Variants in PCDH9 observed in about 807,000 individuals in gnomAD.
The protein encoded by PCDH9 is protocadherin 9.
Under a neutral mutation model 70.6 loss-of-function variants are expected in PCDH9, and 24 were observed. The ratio of observed to expected loss-of-function variants is 0.34; its 90% confidence interval spans 0.25 to 0.48. The LOEUF (loss-of-function observed/expected upper bound fraction) is 0.48, where lower values mean the gene tolerates loss of function less well. PCDH9 is among the 20% of genes least tolerant of loss of function. The probability of loss-of-function intolerance (pLI) is 0.99; values close to 1 mark genes in which losing one functional copy is unlikely to be tolerated. For missense variants in PCDH9, 1,281 were observed against 1,503.6 expected, an observed-to-expected ratio of 0.85 and a Z score of 2.45; for synonymous variants, 562 against 558.5, an observed-to-expected ratio of 1.01 and a Z score of -0.09.
chr13:66,603,751 A>G (rs766198380), intron 4 of PCDH9, among the ~76,000 whole-genome samples: 7 of 152,006 alleles, frequency 4.6e-5, no homozygotes, highest in Non-Finnish European at 8.8e-5. Flanking sequence ...TATTTGATGT[A>G]AGAGTTTTAC....
At chr13:66,929,753 A>G (rs2082776921) in intron 2 of PCDH9, among the ~76,000 whole-genome samples, 1 of 152,214 alleles carries the variant, frequency 6.6e-6, no homozygotes, top group Non-Finnish European at 1.5e-5. Context: ...ATATTTTAAA[A>G]ATCTTATCTA....
intron 2 of PCDH9, among the ~76,000 whole-genome samples, chr13:66,991,787 A>C (rs1325872459): frequency 2.0e-5 from 3 of 152,120 alleles, no homozygotes; most frequent in African/African-American, 4.8e-5. Flanking sequence ...CTCCATGGAA[A>C]ATAATAGTGT....
intron 4 of PCDH9, among the ~76,000 whole-genome samples, chr13:66,455,683 T>A (rs1958304503): frequency 6.6e-6 from 1 of 152,268 alleles, no homozygotes; most frequent in African/African-American, 2.4e-5. Flanking sequence ...CTGAATGTGA[T>A]GCTGAAAGAT....
intron 2 of PCDH9, among the ~76,000 whole-genome samples, chr13:67,131,448 A>G (rs2087109494): frequency 6.6e-6 from 1 of 152,206 alleles, no homozygotes; most frequent in African/African-American, 2.4e-5. Context: ...TCCTAAACTT[A>G]AAAGATTAAC....
chr13:66,934,887 A>AT (rs539378090), intron 2 of PCDH9, among the ~76,000 whole-genome samples: 1 of 144,794 alleles, frequency 6.9e-6, no homozygotes, highest in Non-Finnish European at 1.5e-5. Flanking sequence ...CGCCCGGCTA[A>AT]TTTTTTGTAT....
At chr13:67,076,343 T>A (rs1345343980) in intron 2 of PCDH9, among the ~76,000 whole-genome samples, 1 of 152,192 alleles carries the variant, frequency 6.6e-6, no homozygotes, top group African/African-American at 2.4e-5. Context: ...AAGCTATCTA[T>A]GTCTTTTCAA....
At position 67,185,140 on chromosome 13, in the gene PCDH9, T is replaced by C. The variant is rs1410397258; in HGVS notation, c.3036+40265A>G. Among the ~76,000 whole-genome samples, 16 of 152,300 alleles carry C rather than the reference T, an allele frequency of 1.1e-4. No homozygotes were observed. The East Asian group carries it at 3.1e-3, about 29-fold the overall frequency. ...AATAAATATATTGTTTGTAGTCCAT[T>C]AGAAAAGAAGGAAAGAAAATAACAT... On this transcript the variant is annotated intron_variant, in intron 2 of 4. Coordinates refer to ENST00000377865, the MANE Select transcript of PCDH9 (RefSeq NM_203487.3).
At chr13:66,900,528 G>A (rs2082260030) in intron 3 of PCDH9, among the ~76,000 whole-genome samples, 1 of 151,754 alleles carries the variant, frequency 6.6e-6, no homozygotes, top group Non-Finnish European at 1.5e-5. Context: ...TGCATATGAC[G>A]TGCTTAGAAT....
At chr13:66,357,261 T>G (rs917080626) in intron 4 of PCDH9, among the ~76,000 whole-genome samples, 1 of 151,958 alleles carries the variant, frequency 6.6e-6, no homozygotes, top group Non-Finnish European at 1.5e-5. Context: ...TGGGTGGCAT[T>G]TACATCAGGA....
intron 2 of PCDH9, among the ~76,000 whole-genome samples, chr13:67,111,023 C>T (rs2086649287): frequency 6.6e-6 from 1 of 152,170 alleles, no homozygotes; most frequent in Admixed American, 6.5e-5. Flanking sequence ...ATGCATATGG[C>T]TGATTGAATT....
chr13:67,110,784 A>G (rs1398422921), intron 2 of PCDH9, among the ~76,000 whole-genome samples: 1 of 152,186 alleles, frequency 6.6e-6, no homozygotes, highest in Non-Finnish European at 1.5e-5. Context: ...ATGTCTGTTT[A>G]TCTCTCTGAG....
chr13:66,893,503 C>A (rs866572157), intron 3 of PCDH9, among the ~76,000 whole-genome samples: 2 of 152,140 alleles, frequency 1.3e-5, no homozygotes, highest in East Asian at 1.9e-4. Context: ...AAATAAGAAG[C>A]CATAGGAGAT....
intron 2 of PCDH9, among the ~76,000 whole-genome samples, chr13:67,014,921 C>T (rs528866046): frequency 1.9e-4 from 29 of 152,194 alleles, no homozygotes; most frequent in African/African-American, 6.0e-4. Flanking sequence ...TAATTGTCTA[C>T]CCTTTTTTTC....
At chr13:67,071,907 AAGAG>A (rs1203411318) in intron 2 of PCDH9, among the ~76,000 whole-genome samples, 9 of 151,006 alleles carry the variant, frequency 6.0e-5, no homozygotes, top group Non-Finnish European at 8.9e-5. Flanking sequence ...AAAAAAAAAA[AAGAG>A]AGAATCCTTT....
intron 2 of PCDH9, among the ~76,000 whole-genome samples, chr13:66,927,290 G>T (rs551552760): frequency 2.0e-4 from 30 of 151,948 alleles, no homozygotes; most frequent in African/African-American, 7.2e-4. Flanking sequence ...GCAAACTAAC[G>T]CAGGAAGAGA....
At position 66,708,656 on chromosome 13, in the gene PCDH9, C is replaced by T. The variant is rs528197447; in HGVS notation, c.3139-77245G>A. ...TGAGTCATTTTTCATATCAGAAACA[C>T]GCAGAAACGTGGAAGATACATGGCT... On this transcript the variant is annotated intron_variant, in intron 3 of 4. Transcript: ENST00000377865. 1.2e-4 allele frequency among the ~76,000 whole-genome samples: 19 copies of T among 152,200 alleles called. No individual in the cohort carries two copies. In the South Asian group the frequency reaches 2.5e-3, roughly 20 times the overall value.
intron 2 of PCDH9, chr13:67,220,799 CTT>C (rs1350878055): frequency 6.6e-6 from 1 of 152,056 alleles, no homozygotes; most frequent in Admixed American, 6.6e-5. Context: ...ACAATAGTAA[CTT>C]TTCATTTTTA....
intron 3 of PCDH9, among the ~76,000 whole-genome samples, chr13:66,874,693 A>G (rs139429160): frequency 2.5e-3 from 385 of 152,248 alleles, no homozygotes; most frequent in Admixed American, 3.6e-3. Context: ...CAGTAAATAC[A>G]CTTAGCATCA....
intron 2 of PCDH9, among the ~76,000 whole-genome samples, chr13:67,045,891 T>A (rs1367232679): frequency 6.6e-6 from 1 of 152,188 alleles, no homozygotes; most frequent in African/African-American, 2.4e-5. Context: ...TTTTATGTTC[T>A]TTTTAATCCT....
Sources: allele counts gnomAD v4.1 joint callset (sites outside exome capture counted in the v4.1 genomes callset), GRCh38; gene constraint gnomAD v4.1.1; transcripts MANE v1.5; gene names NCBI Gene and HGNC (gene_info 2026-07-23, HGNC 2026-07-21).